ANKS6: variants seen among roughly 807,000 people sequenced by gnomAD.
ANKS6 encodes ankyrin repeat and sterile alpha motif domain containing 6.
ANKS6 carries 47 observed loss-of-function variants against 77.9 expected under a neutral mutation model. The ratio of observed to expected loss-of-function variants is 0.60; its 90% confidence interval spans 0.48 to 0.77. The LOEUF (loss-of-function observed/expected upper bound fraction) is 0.77. Ranked by LOEUF, ANKS6 falls within the 30% of genes least tolerant of loss-of-function variation. The pLI, the probability that ANKS6 is intolerant of heterozygous loss-of-function variation, is 0.00. For missense variants in ANKS6, 1,150 were observed against 1,159.1 expected (o/e 0.99, Z 0.11); for synonymous variants, 488 against 501.7 (o/e 0.97, Z 0.37).
chr9:98,771,000 G>A lies in ANKS6; in HGVS notation c.1868C>T (p.Ala623Val). 6.3e-7 allele frequency: 1 copy of A among 1,596,518 alleles called. No individual in the cohort carries two copies. The highest frequency in any genetic ancestry group is 1.1e-5 in the South Asian group (1 of 87,934). ...GAAGTTTCCAGAATTGGCAGAAGAGGCTGGGCTTCTGGGGAGGCTTGGAAA... is the reference window on the plus strand; with the variant it reads ...GAAGTTTCCAGAATTGGCAGAAGAGACTGGGCTTCTGGGGAGGCTTGGAAA... ...VKFPSLPRSPASSANSGNFNH... is the reference protein window; with the variant it reads ...VKFPSLPRSPVSSANSGNFNH... Residue 623 changes from alanine (A) to valine (V), a missense_variant, in exon 10 of 15, where the codon GCC becomes GTC. Physicochemically the swap from Ala to Val is moderately conservative, Grantham distance 64. Transcript: ENST00000353234.
Position 98,732,888 on chromosome 9 carries a change from C to A in ANKS6, c.*3631G>T. On this transcript the variant is annotated 3_prime_UTR_variant, in exon 15 of 15. Transcript: ENST00000353234. Reference sequence around the variant, plus strand: ...TTCCTCCCTGACGATCTAGAACTTACACATTACGTGCTGCCTTTGCACATG... The same window carrying A: ...TTCCTCCCTGACGATCTAGAACTTAAACATTACGTGCTGCCTTTGCACATG... The A allele has an allele frequency of 1.8e-6, 2 of 1,127,654 alleles. No homozygotes were observed. The highest frequency in any genetic ancestry group is 2.2e-6 in the Non-Finnish European group (2 of 917,666). The allele number at this position is 1,127,654 out of a possible 1,614,324, so 69.9% of individuals were successfully genotyped here.
chr9:98,794,893 G>A (rs1835093641), intron 1 of ANKS6, among the ~76,000 whole-genome samples: 1 of 152,150 alleles, frequency 6.6e-6, no homozygotes, highest in Non-Finnish European at 1.5e-5. Flanking sequence ...ACAATCTCCA[G>A]AAAAGGAACT....
intron 11 of ANKS6, among the ~76,000 whole-genome samples, chr9:98,762,832 G>A (rs1211081030): frequency 1.3e-5 from 2 of 151,964 alleles, no homozygotes; most frequent in Non-Finnish European, 1.5e-5. Flanking sequence ...CTACTGGTCT[G>A]TCATTTTTCT....
intron 2 of ANKS6, among the ~76,000 whole-genome samples, chr9:98,785,387 A>T (rs551443257): frequency 6.6e-6 from 1 of 152,334 alleles, no homozygotes; most frequent in South Asian, 2.1e-4. Flanking sequence ...CCTCCCATGT[A>T]AGAAGCAATC....
At chr9:98,787,292 T>C (rs1416954385) in intron 2 of ANKS6, among the ~76,000 whole-genome samples, 1 of 151,574 alleles carries the variant, frequency 6.6e-6, no homozygotes, top group African/African-American at 2.4e-5. Context: ...TCCCACCTTC[T>C]CAAGGTTGCC....
chr9:98,780,253 G>A lies in ANKS6; in HGVS notation c.1304C>T (p.Pro435Leu). 1 of 1,613,884 alleles carries A rather than the reference G, an allele frequency of 6.2e-7. No homozygotes were observed. The highest frequency in any genetic ancestry group is 8.5e-7 in the Non-Finnish European group (1 of 1,179,958). The change falls in exon 6 of 15, where the codon CCC becomes CTC. Residue 435 changes from proline to leucine, a missense_variant. Transcript: ENST00000353234. Reference sequence around the variant, plus strand: ...CCAGGGCTGTCGGACCTTCGAGTGGGGCAGGGGAGGCTGGTGGCTCGGCCG... The same window carrying A: ...CCAGGGCTGTCGGACCTTCGAGTGGAGCAGGGGAGGCTGGTGGCTCGGCCG... Reference protein sequence around the residue: ...KGRPSHQPPLPHSKVRQPWSI... With the variant: ...KGRPSHQPPLLHSKVRQPWSI...
At chr9:98,750,728 T>C (rs554174364) in intron 13 of ANKS6, among the ~76,000 whole-genome samples, 1 of 152,334 alleles carries the variant, frequency 6.6e-6, no homozygotes, top group Admixed American at 6.5e-5. Flanking sequence ...TAGCTCACTT[T>C]AAGCCTATAA....
chr9:98,775,755 T>C (rs1833887469), intron 8 of ANKS6, among the ~76,000 whole-genome samples: 1 of 152,194 alleles, frequency 6.6e-6, no homozygotes, highest in Non-Finnish European at 1.5e-5. Context: ...ATGAATTTAT[T>C]TTCCTTCTAT....
intron 8 of ANKS6, among the ~76,000 whole-genome samples, chr9:98,776,228 C>T (rs902193853): frequency 6.6e-6 from 1 of 152,080 alleles, no homozygotes; most frequent in Non-Finnish European, 1.5e-5. Context: ...AAAACCATAA[C>T]CATGAGGGAT....
intron 2 of ANKS6, among the ~76,000 whole-genome samples, chr9:98,789,312 G>T (rs1834757536): frequency 6.6e-6 from 1 of 151,664 alleles, no homozygotes; most frequent in Non-Finnish European, 1.5e-5. Flanking sequence ...AAGGCTGTGT[G>T]TTGCGATCTT....
At chr9:98,789,428 T>TAAAAAA (rs11437180) in intron 2 of ANKS6, among the ~76,000 whole-genome samples, 11 of 129,990 alleles carry the variant, frequency 8.5e-5, no homozygotes, top group African/African-American at 2.9e-4. Flanking sequence ...GGCAAGAAGT[T>TAAAAAA]AAAAAAAAAA....
chr9:98,774,105 G>C, intron 8 of ANKS6, 25 bp from the exon 9 acceptor site: 1 of 1,429,496 alleles, frequency 7.0e-7, no homozygotes, highest in Middle Eastern at 1.9e-4. Flanking sequence ...CTGAGGGTTA[G>C]ACAAGCCCCC....
At chr9:98,746,542 T>C (rs1832141591) in intron 13 of ANKS6, among the ~76,000 whole-genome samples, 1 of 151,522 alleles carries the variant, frequency 6.6e-6, no homozygotes, top group South Asian at 2.1e-4. Flanking sequence ...GGTAGATCAC[T>C]ATCCCCACTT....
At chr9:98,736,757 T>A in intron 14 of ANKS6, 134 bp from the exon 15 acceptor site, 2 of 1,122,208 alleles carry the variant, frequency 1.8e-6, no homozygotes, top group Non-Finnish European at 2.6e-6. Context: ...ATAAATTACC[T>A]AACTGAAAGA....
chr9:98,764,071 C>T (rs1342135015), intron 11 of ANKS6, among the ~76,000 whole-genome samples: 1 of 152,126 alleles, frequency 6.6e-6, no homozygotes, highest in African/African-American at 2.4e-5. Context: ...GAATTCTACA[C>T]AGTATCTTCT....
At chr9:98,772,431 T>C (rs1833693978) in intron 9 of ANKS6, among the ~76,000 whole-genome samples, 1 of 152,112 alleles carries the variant, frequency 6.6e-6, no homozygotes, top group African/African-American at 2.4e-5. Context: ...TTTCAGACTT[T>C]CTGCCTGCAG....
At chr9:98,783,803 CTTTTTT>C in intron 4 of ANKS6, 144 bp downstream of exon 4, 5 of 420,182 alleles carry the variant, frequency 1.2e-5, no homozygotes, top group East Asian at 4.3e-5. Flanking sequence ...GCCTGTGCCG[CTTTTTT>C]TTTTTTTTTC....
rs1831452681 is a variant in ANKS6, at chr9:98,735,549, T to C, written c.*970A>G. 8.1e-7 allele frequency: 1 copy of C among 1,230,462 alleles called. No individual in the cohort carries two copies. Among genetic ancestry groups the C allele is most frequent in the African/African-American group, 1.6e-5 (1 of 64,400 alleles). 76.2% of individuals were successfully genotyped at this position (1,230,462 alleles called of 1,614,324 possible). A position where few individuals can be genotyped will look rare whatever the true frequency, so the allele number is the denominator to read the frequency against. The stretch of plus-strand genomic sequence containing the variant: ...ACAAAATTCCAAATTTTCACTTCTT[T>C]GCCTAGAAACTTTGAGCACCAGAGA... On this transcript the variant is annotated 3_prime_UTR_variant, in exon 15 of 15. Coordinates refer to ENST00000353234, the MANE Select transcript of ANKS6 (RefSeq NM_173551.5).
At chr9:98,785,545 G>T (rs538541511) in intron 2 of ANKS6, among the ~76,000 whole-genome samples, 1 of 152,308 alleles carries the variant, frequency 6.6e-6, no homozygotes, top group South Asian at 2.1e-4. Flanking sequence ...TGCTGCAGCC[G>T]CCAGATGTTA....
Sources: allele counts gnomAD v4.1 joint callset (sites outside exome capture counted in the v4.1 genomes callset), GRCh38; gene constraint gnomAD v4.1.1; transcripts MANE v1.5; gene names NCBI Gene and HGNC (gene_info 2026-07-23, HGNC 2026-07-21).